The following KCP variants were observed in gnomAD, a reference collection of about 807,000 sequenced individuals.
The protein encoded by KCP is kielin/chordin-like protein.
Under a neutral mutation model 212.7 loss-of-function variants are expected in KCP, and 194 were observed. That is an observed-to-expected ratio of 0.91 (90% confidence interval 0.81 to 1.03). KCP has a LOEUF of 1.03. KCP is among the 50% of genes least tolerant of loss of function. KCP has a pLI of 0.00. For synonymous variants in KCP, 833 were observed against 865.3 expected (o/e 0.96, Z 0.65); for missense variants, 2,080 against 2,162.5 (o/e 0.96, Z 0.76).
Position 128,888,728 on chromosome 7 carries a change from G to T in KCP, c.2512+135C>A. 3 of 837,550 alleles carry T rather than the reference G, an allele frequency of 3.6e-6. No homozygotes were observed. The South Asian group carries it at 5.2e-5, about 14-fold the overall frequency. 51.9% of individuals were successfully genotyped at this position (837,550 alleles called of 1,614,324 possible). A position where few individuals can be genotyped will look rare whatever the true frequency, so the allele number is the denominator to read the frequency against. ...GCCGTGCCCGGGACCTCTATCAAAG[G>T]TGAGGGAGTCGGAGAGTGAGAGAAA... On this transcript the variant is annotated intron_variant, in intron 22 of 39. Coordinates refer to ENST00000610776, the MANE Select transcript of KCP (RefSeq NM_001366122.1).
rs144661002 is a variant in KCP, at chr7:128,890,108, C to G, written c.2335+235G>C. The G allele has an allele frequency of 1.2e-4, 79 of 633,106 alleles. No individual in the cohort carries two copies. In the East Asian group the frequency reaches 1.8e-3, roughly 14 times the overall value. The allele number at this position is 633,106 out of a possible 1,614,324, so 39.2% of individuals were successfully genotyped here. ...TGATTTTAAATTTTTTGTGTAGAGA[C>G]AAGATCTCTCTATGTTGCCCAGGCT... On this transcript the variant is annotated intron_variant, in intron 21 of 39. Transcript: ENST00000610776.
Position 128,892,875 on chromosome 7 carries a change from G to T in KCP, c.1414C>A (p.Pro472Thr), listed in dbSNP as rs944799468. The T allele has an allele frequency of 1.3e-6, 2 of 1,550,540 alleles. No individual in the cohort carries two copies. The highest frequency in any genetic ancestry group is 1.2e-5 in the South Asian group (1 of 84,034). Reference protein sequence around the residue: ...PPAPCQHPTQPPGACCPSCDS... With the variant: ...PPAPCQHPTQTPGACCPSCDS... The stretch of plus-strand genomic sequence containing the variant: ...GATCAGCCCAGGCACTCACCAGGGG[G>T]CTGGGTGGGGTGCTGGCAGGGGGCT... The change falls in exon 14 of 40, where the codon CCC (proline) becomes ACC (threonine). Residue 472 changes from proline to threonine, a missense_variant. Pro to Thr is a conservative substitution (Grantham distance 38). Transcript: ENST00000610776.
At chr7:128,879,868 G>A in intron 35 of KCP, 39 bp from the exon 36 acceptor site, 1 of 1,551,126 alleles carries the variant, frequency 6.4e-7, no homozygotes, top group Non-Finnish European at 8.7e-7. Flanking sequence ...TGGTCAGCAG[G>A]GCTGGGTGTA....
intron 39 of KCP, 84 bp from the exon 40 acceptor site, chr7:128,877,395 C>T: frequency 2.0e-6 from 3 of 1,526,916 alleles, no homozygotes; most frequent in South Asian, 2.5e-5. Context: ...ACTCGCCATA[C>T]CCGGCCTGGT....
intron 26 of KCP, 34 bp downstream of exon 26, chr7:128,886,430 C>A (rs1035061910): frequency 1.3e-6 from 2 of 1,515,752 alleles, no homozygotes; most frequent in Admixed American, 4.1e-5. Flanking sequence ...GGCCAAGGGG[C>A]TGAAGCAAGG....
At position 128,891,768 on chromosome 7, in the gene KCP, G is replaced by A; in HGVS notation, c.1673C>T (p.Pro558Leu). The A allele has an allele frequency of 6.9e-7, 1 of 1,450,764 alleles. No homozygotes were observed. Among genetic ancestry groups the A allele is most frequent in the Non-Finnish European group, 9.1e-7 (1 of 1,099,724 alleles). The allele number at this position is 1,450,764 out of a possible 1,614,324, so 89.9% of individuals were successfully genotyped here. The change falls in exon 17 of 40, where the codon CCC (proline) becomes CTC (leucine). Residue 558 changes from proline (P) to leucine (L), a missense_variant. Physicochemically the swap from Pro to Leu is moderately conservative, Grantham distance 98. Coordinates refer to ENST00000610776, the MANE Select transcript of KCP (RefSeq NM_001366122.1). The part of the protein sequence containing the change: ...VFVDGESFSH[P>L]RDPCQECRCQ... Reference sequence around the variant, plus strand: ...TCGGCACTCCTGGCAGGGGTCTCGGGGGTGGGAGAAGCTCTCGCCGTCCAC... The same window carrying A: ...TCGGCACTCCTGGCAGGGGTCTCGGAGGTGGGAGAAGCTCTCGCCGTCCAC...
Position 128,907,196 on chromosome 7 carries a change from C to T in KCP, c.410-19G>A. On this transcript the variant is annotated intron_variant, in intron 3 of 39. Coordinates refer to ENST00000610776, the MANE Select transcript of KCP (RefSeq NM_001366122.1). Reference sequence around the variant, plus strand: ...CTGCAGCCTAAGGAGACAGCAGTGTCACTCAAGCACCCCATGCCATCTGCA... The same window carrying T: ...CTGCAGCCTAAGGAGACAGCAGTGTTACTCAAGCACCCCATGCCATCTGCA... 2 of 1,548,536 alleles carry T rather than the reference C, an allele frequency of 1.3e-6. No individual in the cohort carries two copies. The highest frequency in any genetic ancestry group is 1.7e-6 in the Non-Finnish European group (2 of 1,144,590).
chr7:128,910,373 G>A (rs937124292), intron 1 of KCP, among the ~76,000 whole-genome samples: 1 of 152,200 alleles, frequency 6.6e-6, no homozygotes, highest in Non-Finnish European at 1.5e-5. Flanking sequence ...CTCTCCCGCC[G>A]CCGGCTGCAG....
chr7:128,884,924 G>A, intron 27 of KCP, 61 bp from the exon 28 acceptor site: 1 of 1,515,184 alleles, frequency 6.6e-7, no homozygotes, highest in Non-Finnish European at 9.0e-7. Flanking sequence ...AGCGAGGCAG[G>A]GGTGGAGTCC....
Position 128,886,878 on chromosome 7 carries a change from T to C in KCP, c.2687A>G (p.His896Arg). ...CGCGCATGAGGAAGGCAGCTCACTG[T>C]GGCAAACAGGGCAGAAGCAGGGGCC... is the stretch of plus-strand genomic sequence containing the variant. ...SPGPCFCPVC[H>R]SCLSQGREHQ... The change falls in exon 24 of 40, where the codon CAC (histidine) becomes CGC (arginine). Residue 896 changes from histidine (H) to arginine (R), a missense_variant and splice_region_variant. Coordinates refer to ENST00000610776, the MANE Select transcript of KCP (RefSeq NM_001366122.1). 6.6e-7 allele frequency: 1 copy of C among 1,510,464 alleles called. No homozygotes were observed. The highest frequency in any genetic ancestry group is 8.9e-7 in the Non-Finnish European group (1 of 1,118,806). 93.6% of individuals were successfully genotyped at this position (1,510,464 alleles called of 1,614,324 possible). A position where few individuals can be genotyped will look rare whatever the true frequency, so the allele number is the denominator to read the frequency against.
At chr7:128,889,938 T>C (rs1428224051) in intron 21 of KCP, 3 of 147,726 alleles carry the variant, frequency 2.0e-5, no homozygotes, top group Admixed American at 1.3e-4. Flanking sequence ...TTTTTTTTTT[T>C]TTTTTTTTGA....
At position 128,891,070 on chromosome 7, in the gene KCP, G is replaced by A. The variant is rs890946015; in HGVS notation, c.1999C>T (p.Arg667Trp). ...PAAPAPAGCP[R>W]PGAAHARHQE... ...TGGCGGGCGTGGGCCGCGCCGGGCC[G>A]TGGGCAGCCGGCGGGGGCTGGGGCG... is the stretch of plus-strand genomic sequence containing the variant. The change falls in exon 20 of 40, where the codon CGG (arginine) becomes TGG (tryptophan). Residue 667 changes from arginine (R) to tryptophan (W), a missense_variant. Arg to Trp is a moderately radical substitution (Grantham distance 101). Transcript: ENST00000610776. 16 of 1,413,090 alleles carry A rather than the reference G, an allele frequency of 1.1e-5. No individual in the cohort carries two copies. The highest frequency in any genetic ancestry group is 1.1e-5 in the Non-Finnish European group (12 of 1,090,996). The allele number at this position is 1,413,090 out of a possible 1,614,324, so 87.5% of individuals were successfully genotyped here. A position where few individuals can be genotyped will look rare whatever the true frequency, so the allele number is the denominator to read the frequency against.
Position 128,893,492 on chromosome 7 carries a change from G to A in KCP, c.1100-16C>T, listed in dbSNP as rs2128948064. 1 of 1,521,714 alleles carries A rather than the reference G, an allele frequency of 6.6e-7. No individual in the cohort carries two copies. The highest frequency in any genetic ancestry group is 1.2e-5 in the South Asian group (1 of 83,494). 94.3% of individuals were successfully genotyped at this position (1,521,714 alleles called of 1,614,324 possible). A position where few individuals can be genotyped will look rare whatever the true frequency, so the allele number is the denominator to read the frequency against. The stretch of plus-strand genomic sequence containing the variant: ...TACTCACAGCCTGGATGGGATGACA[G>A]GGGCGTGGGGGTATAGGGCTGGAGG... On this transcript the variant is annotated splice_polypyrimidine_tract_variant and intron_variant, in intron 11 of 39. Coordinates refer to ENST00000610776, the MANE Select transcript of KCP (RefSeq NM_001366122.1).
At chr7:128,894,847 A>G (rs181046407) in intron 8 of KCP, among the ~76,000 whole-genome samples, 74 of 152,268 alleles carry the variant, frequency 4.9e-4, no homozygotes, top group African/African-American at 1.7e-3. Context: ...GCCTCAGGTG[A>G]TCCACCTGTC....
intron 20 of KCP, 86 bp downstream of exon 20, chr7:128,890,819 G>A (rs948300851): frequency 4.4e-6 from 5 of 1,139,960 alleles, no homozygotes; most frequent in Non-Finnish European, 3.5e-6. Context: ...GAGCGGGCCT[G>A]GAGGAAGGGG....
intron 8 of KCP, among the ~76,000 whole-genome samples, chr7:128,895,403 A>T (rs1214337889): frequency 6.6e-6 from 1 of 152,184 alleles, no homozygotes; most frequent in Non-Finnish European, 1.5e-5. Context: ...GCCTGACCCC[A>T]AAAGACCCCA....
At chr7:128,905,439 C>A (rs892933940) in intron 5 of KCP, among the ~76,000 whole-genome samples, 1 of 152,294 alleles carries the variant, frequency 6.6e-6, no homozygotes, top group Non-Finnish European at 1.5e-5. Context: ...ATGTCCCCAG[C>A]ACCACTGCTA....
intron 2 of KCP, among the ~76,000 whole-genome samples, 152 bp downstream of exon 2, chr7:128,908,271 AAAG>A (rs1315871282): frequency 6.7e-6 from 1 of 149,684 alleles, no homozygotes; most frequent in African/African-American, 2.5e-5. Flanking sequence ...AGAAAGAAAG[AAAG>A]AAAGAAAGAA....
chr7:128,894,561 T>G (rs1475166094), intron 8 of KCP, among the ~76,000 whole-genome samples: 2 of 152,196 alleles, frequency 1.3e-5, no homozygotes, highest in African/African-American at 4.8e-5. Flanking sequence ...AGTATCTTTT[T>G]TTTTTGAGAT....
Sources: allele counts gnomAD v4.1 joint callset (sites outside exome capture counted in the v4.1 genomes callset), GRCh38; gene constraint gnomAD v4.1.1; transcripts MANE v1.5; gene names NCBI Gene and HGNC (gene_info 2026-07-23, HGNC 2026-07-21).